HERC3: variants seen among roughly 807,000 people sequenced by gnomAD.
HERC3 encodes probable E3 ubiquitin-protein ligase HERC3.
In HERC3, 58 loss-of-function variants were observed where a neutral mutation model predicts 129.9. The ratio of observed to expected loss-of-function variants is 0.45; its 90% CI spans 0.36 to 0.56. HERC3 has a LOEUF of 0.56. Ranked by LOEUF, HERC3 falls within the 20% of genes least tolerant of loss-of-function variation. The pLI is 0.00. For missense variants in HERC3, 835 were observed against 1,244.2 expected (o/e 0.67, Z 4.95); for synonymous variants, 430 against 451.0 (o/e 0.95, Z 0.59).
upstream of HERC3, among the ~76,000 whole-genome samples, chr4:88,590,576 A>C (rs1331547441): frequency 1.2e-4 from 18 of 152,194 alleles, no homozygotes; most frequent in Non-Finnish European, 5.9e-5. Context: ...AAAAACAAAA[A>C]AACAACAACA....
intron 23 of HERC3, chr4:88,690,098 C>G (rs535508490): frequency 1.0e-6 from 1 of 985,204 alleles, no homozygotes; most frequent in South Asian, 4.7e-5. Flanking sequence ...CTCTAGAAAC[C>G]TAATATAGAG....
chr4:88,536,451 C>T, the HERC3 span, among the ~76,000 whole-genome samples: 1 of 152,220 alleles, frequency 6.6e-6, no homozygotes, highest in Middle Eastern at 3.4e-3. Flanking sequence ...TACCCTACCC[C>T]GACACATACT....
At chr4:88,641,481 A>G (rs984303416) in intron 3 of HERC3, among the ~76,000 whole-genome samples, 7 of 152,234 alleles carry the variant, frequency 4.6e-5, no homozygotes. Context: ...GTTATTGAAG[A>G]TAGAAGAACA....
At chr4:88,614,464 G>T (rs1724685060) in intron 3 of HERC3, among the ~76,000 whole-genome samples, 1 of 152,020 alleles carries the variant, frequency 6.6e-6, no homozygotes, top group African/African-American at 2.4e-5. Flanking sequence ...AAACAAAAAA[G>T]ATATAAACTT....
intron 3 of HERC3, among the ~76,000 whole-genome samples, chr4:88,619,978 C>T (rs527403392): frequency 8.5e-5 from 13 of 152,220 alleles, no homozygotes; most frequent in Admixed American, 2.0e-4. Flanking sequence ...GTGTGAGCTG[C>T]TAAAATCTTG....
At chr4:88,541,334 A>G in the HERC3 span, among the ~76,000 whole-genome samples, 2 of 152,208 alleles carry the variant, frequency 1.3e-5, no homozygotes, top group African/African-American at 4.8e-5. Context: ...AAAGATCAAA[A>G]GAGACAAATA....
At chr4:88,546,369 G>A in the HERC3 span, among the ~76,000 whole-genome samples, 5 of 152,156 alleles carry the variant, frequency 3.3e-5, no homozygotes, top group South Asian at 2.1e-4. Context: ...TAACTTCAGC[G>A]GGGTAGGATA....
At position 88,652,988 on chromosome 4, in the gene HERC3, G is replaced by T; in HGVS notation, c.583G>T (p.Val195Leu). 3 of 1,614,228 alleles carry T rather than the reference G, an allele frequency of 1.9e-6. No homozygotes were observed. Among genetic ancestry groups the T allele is most frequent in the South Asian group, 1.1e-5 (1 of 91,088 alleles). ...CCTGGAGGGGATCCCACTGGCTCAG[G>T]TGGCTGCCGGAGGGGCTCACAGCTT... ...RSLEGIPLAQ[V>L]AAGGAHSFAL... Residue 195 changes from valine (V) to leucine (L), a missense_variant, in exon 6 of 26, where the codon GTG (valine) becomes TTG (leucine). Transcript: ENST00000402738.
At chr4:88,690,561 C>G in intron 23 of HERC3, 1 of 985,002 alleles carries the variant, frequency 1.0e-6, no homozygotes, top group Non-Finnish European at 1.2e-6. Context: ...TCATCCTCTG[C>G]TGAGTCATCA....
At chr4:88,662,988 CAG>C (rs565234044) in intron 11 of HERC3, among the ~76,000 whole-genome samples, 42 of 147,514 alleles carry the variant, frequency 2.8e-4, no homozygotes, top group African/African-American at 1.0e-3. Flanking sequence ...GATGGTAATT[CAG>C]AGTCATGTAG....
intron 5 of HERC3, 126 bp downstream of exon 5, chr4:88,652,214 G>A: frequency 1.4e-6 from 1 of 691,186 alleles, no homozygotes; most frequent in Non-Finnish European, 2.5e-6. Context: ...CATTGCTGTT[G>A]GACAGTGACA....
chr4:88,677,830 G>A, intron 18 of HERC3, 134 bp from the exon 19 acceptor site: 1 of 681,498 alleles, frequency 1.5e-6, no homozygotes, highest in East Asian at 2.7e-5. Flanking sequence ...TAGAAAATCT[G>A]TGGAAGTTAA....
At chr4:88,664,244 C>T (rs370731609) in intron 12 of HERC3, 32 bp downstream of exon 12, 27 of 1,548,890 alleles carry the variant, frequency 1.7e-5, no homozygotes, top group Middle Eastern at 1.7e-4. Flanking sequence ...AAAACCCTCA[C>T]GTGTACCTGT....
chr4:88,543,345 G>A, the HERC3 span, among the ~76,000 whole-genome samples: 1 of 152,090 alleles, frequency 6.6e-6, no homozygotes, highest in African/African-American at 2.4e-5. Context: ...TTGCTACACA[G>A]AGAATAAAAT....
chr4:88,690,259 C>A (rs1477501251), intron 23 of HERC3: 1 of 976,704 alleles, frequency 1.0e-6, no homozygotes, highest in South Asian at 4.8e-5. Context: ...TAAGACCAGG[C>A]TTTTTATTCC....
chr4:88,691,263 C>T (rs866047562), intron 23 of HERC3, among the ~76,000 whole-genome samples: 1 of 152,198 alleles, frequency 6.6e-6, no homozygotes, highest in Non-Finnish European at 1.5e-5. Flanking sequence ...ACACTGTGAA[C>T]TCATCCATGC....
chr4:88,672,166 T>G (rs1428188077), intron 16 of HERC3, among the ~76,000 whole-genome samples: 1 of 152,208 alleles, frequency 6.6e-6, no homozygotes, highest in African/African-American at 2.4e-5. Context: ...ATAAAATAAG[T>G]CTAACAAATT....
At chr4:88,582,751 C>T in the HERC3 span, among the ~76,000 whole-genome samples, 1 of 152,160 alleles carries the variant, frequency 6.6e-6, no homozygotes. Flanking sequence ...CAGTGCAGTT[C>T]TGCCCCTCTC....
chr4:88,558,052 C>T, the HERC3 span, among the ~76,000 whole-genome samples: 3 of 120,118 alleles, frequency 2.5e-5, no homozygotes, highest in Admixed American at 1.2e-4. Flanking sequence ...GCCTGGGCAA[C>T]GAGAGCGAGA....
Sources: gnomAD v4.1 joint callset for allele counts (sites outside exome capture counted in the v4.1 genomes callset) on GRCh38, gnomAD v4.1.1 for gene constraint, MANE v1.5 for transcripts, NCBI Gene and HGNC (gene_info 2026-07-23, HGNC 2026-07-21) for gene names.